Variants in TBC1D9 observed in about 807,000 individuals in gnomAD.
TBC1D9 encodes the protein TBC1 domain family member 9A.
TBC1D9 carries 63 observed loss-of-function variants against 132.0 expected under a neutral mutation model. The ratio of observed to expected loss-of-function variants is 0.48; its 90% CI spans 0.39 to 0.59. TBC1D9 has a LOEUF of 0.59. TBC1D9 is among the 20% of genes least tolerant of loss of function. The pLI is 0.00. For synonymous variants in TBC1D9, 610 were observed against 609.9 expected (o/e 1.00, Z 0.00); for missense variants, 1,261 against 1,592.7 (o/e 0.79, Z 3.54).
intron 11 of TBC1D9, among the ~76,000 whole-genome samples, chr4:140,658,220 G>A (rs4956472): frequency 0.58 from 87,663 of 151,982 alleles, 25,474 homozygotes; most frequent in East Asian, 0.65. Context: ...ATGTAAATCT[G>A]TCATGTGAAC....
At chr4:140,658,688 T>C (rs900284866) in intron 11 of TBC1D9, among the ~76,000 whole-genome samples, 2 of 151,906 alleles carry the variant, frequency 1.3e-5, no homozygotes. Flanking sequence ...TGGGAGTCTG[T>C]ATAGTCCCAG....
At chr4:140,660,323 T>C (rs1247187074) in intron 10 of TBC1D9, among the ~76,000 whole-genome samples, 1 of 152,222 alleles carries the variant, frequency 6.6e-6, no homozygotes, top group Non-Finnish European at 1.5e-5. Flanking sequence ...ACTACTTTAA[T>C]AGTCTTCTTA....
chr4:140,657,433 G>T, intron 12 of TBC1D9, 94 bp downstream of exon 12: 1 of 1,407,178 alleles, frequency 7.1e-7, no homozygotes, highest in Non-Finnish European at 9.7e-7. Context: ...CGGGCATTAT[G>T]ATCACCATCA....
At position 140,641,090 on chromosome 4, in the gene TBC1D9, C is replaced by CAAAAAAAAA. The variant is rs35813378; in HGVS notation, c.2338-1671_2338-1663dup. ...TAAATCTTACAATCATAATACTAAG[C>CAAAAAAAAA]AAAAAAAAAAAAAACAAAAAAAAAC... On this transcript the variant is annotated intron_variant, in intron 13 of 20. Transcript: ENST00000442267. 5.2e-3 allele frequency among the ~76,000 whole-genome samples: 182 copies of CAAAAAAAAA among 34,830 alleles called. 2 individuals carry two copies. Among genetic ancestry groups the CAAAAAAAAA allele is most frequent in the African/African-American group, 7.6e-3 (58 of 7,596 alleles). 22.8% of individuals were successfully genotyped at this position (34,830 alleles called of 152,430 possible).
chr4:140,632,734 G>A (rs943507051), intron 16 of TBC1D9, among the ~76,000 whole-genome samples: 1 of 152,272 alleles, frequency 6.6e-6, no homozygotes, highest in African/African-American at 2.4e-5. Context: ...TCTTGAGTAC[G>A]TGGAATCAAA....
intron 1 of TBC1D9, among the ~76,000 whole-genome samples, chr4:140,735,181 C>A (rs1489910439): frequency 6.6e-6 from 1 of 152,118 alleles, no homozygotes; most frequent in Admixed American, 6.6e-5. Flanking sequence ...TCCTAAGGCC[C>A]TTTGAAAGAT....
chr4:140,687,343 CATATATATATATATATATATATATATAT>C lies in TBC1D9; in HGVS notation c.242-909_242-882del, dbSNP rs200090051. Among the ~76,000 whole-genome samples, 84 of 37,908 alleles carry C rather than the reference CATATATATATATATATATATATATATAT, an allele frequency of 2.2e-3. 2 individuals are homozygous for C. Among genetic ancestry groups the C allele is most frequent in the Middle Eastern group, 0.026 (2 of 76 alleles). The allele number at this position is 37,908 out of a possible 152,430, so 24.9% of individuals were successfully genotyped here. ...TATATGTGTGTGTGTGTGTGTGTGTCATATATATATATATATATATATATATATATATATATATATATATATATATATA... is the reference window on the plus strand; with the variant it reads ...TATATGTGTGTGTGTGTGTGTGTGTCATATATATATATATATATATATATA... On this transcript the variant is annotated intron_variant, in intron 2 of 20. Transcript: ENST00000442267.
Position 140,679,132 on chromosome 4 carries a change from T to A in TBC1D9, c.661A>T (p.Ile221Phe). The change falls in exon 5 of 21, where the codon ATC (isoleucine) becomes TTC (phenylalanine). Residue 221 changes from isoleucine to phenylalanine, a missense_variant. Transcript: ENST00000442267. Reference protein sequence around the residue: ...KNATLLLPDVIKVSTRSSEHF... With the variant: ...KNATLLLPDVFKVSTRSSEHF... ...TCACTGGACCGTGTGCTCACTTTGA[T>A]CACATCAGGCAGAAGCAGGGTGGCA... 1 of 1,613,842 alleles carries A rather than the reference T, an allele frequency of 6.2e-7. No homozygotes were observed. Among genetic ancestry groups the A allele is most frequent in the Non-Finnish European group, 8.5e-7 (1 of 1,179,808 alleles).
chr4:140,741,576 G>A (rs1738758980), intron 1 of TBC1D9, among the ~76,000 whole-genome samples: 2 of 152,174 alleles, frequency 1.3e-5, no homozygotes, highest in Non-Finnish European at 2.9e-5. Context: ...AAATTAGCTA[G>A]GTGTAGTGGC....
intron 1 of TBC1D9, among the ~76,000 whole-genome samples, chr4:140,733,404 A>G (rs1366269102): frequency 6.6e-6 from 1 of 152,212 alleles, no homozygotes; most frequent in East Asian, 1.9e-4. Context: ...GTCTTTCAAG[A>G]GAAATCTGGG....
At chr4:140,699,938 A>G (rs1024562163) in intron 2 of TBC1D9, among the ~76,000 whole-genome samples, 3 of 152,154 alleles carry the variant, frequency 2.0e-5, no homozygotes, top group Non-Finnish European at 4.4e-5. Flanking sequence ...AAAGTTAAAA[A>G]AAGTGTTCAT....
At chr4:140,704,435 G>GA (rs11317574) in intron 1 of TBC1D9, among the ~76,000 whole-genome samples, 11,204 of 113,216 alleles carry the variant, frequency 0.099, 493 homozygotes, top group Middle Eastern at 0.21. Context: ...CAAAAAATCA[G>GA]AAAAAAAAAA....
rs1000527643 is a variant in TBC1D9, at chr4:140,706,514, C to T, written c.131-4900G>A. 1.3e-5 allele frequency among the ~76,000 whole-genome samples: 2 copies of T among 151,956 alleles called. No homozygotes were observed. Among genetic ancestry groups the T allele is most frequent in the Non-Finnish European group, 2.9e-5 (2 of 67,990 alleles). On this transcript the variant is annotated intron_variant, in intron 1 of 20. Coordinates refer to ENST00000442267, the MANE Select transcript of TBC1D9 (RefSeq NM_015130.3). This position sits in a 1 kb window ranked among gnomAD's most constrained non-coding sequence, Gnocchi z 4.0. ...AAATTACAAAATACATGTACCACTA[C>T]TCTGACTTTTTTAACACTTTGCCTT...
At chr4:140,646,012 T>C (rs951715670) in intron 13 of TBC1D9, among the ~76,000 whole-genome samples, 14 of 152,250 alleles carry the variant, frequency 9.2e-5, no homozygotes, top group Non-Finnish European at 1.5e-4. Flanking sequence ...TTGTTTTTGT[T>C]TGTTGGTTTG....
chr4:140,660,545 G>A (rs1308283448), intron 10 of TBC1D9, among the ~76,000 whole-genome samples: 1 of 152,158 alleles, frequency 6.6e-6, no homozygotes, highest in Non-Finnish European at 1.5e-5. Flanking sequence ...AATTCCACTT[G>A]AGAATTAACC....
intron 2 of TBC1D9, among the ~76,000 whole-genome samples, chr4:140,696,537 C>T (rs1373200073): frequency 6.6e-6 from 1 of 151,656 alleles, no homozygotes; most frequent in Non-Finnish European, 1.5e-5. Flanking sequence ...GGTACCTCCA[C>T]CCCGCTTTCT....
At position 140,712,691 on chromosome 4, in the gene TBC1D9, C is replaced by T. The variant is rs181987637; in HGVS notation, c.131-11077G>A. ...CGGGAGGCGGAGGTTGCAGTGAAGC[C>T]GAGATCACGCCATTGTACTCCAGCC... On this transcript the variant is annotated intron_variant, in intron 1 of 20. Transcript: ENST00000442267. Among the ~76,000 whole-genome samples the T allele has an allele frequency of 3.6e-4, 55 of 151,210 alleles. 1 individual carries two copies. Among genetic ancestry groups the T allele is most frequent in the African/African-American group, 1.3e-3 (52 of 41,072 alleles).
chr4:140,679,956 G>T, intron 3 of TBC1D9, 113 bp from the exon 4 acceptor site: 3 of 816,524 alleles, frequency 3.7e-6, no homozygotes, highest in Non-Finnish European at 3.7e-6. Context: ...ATTGAGGAAT[G>T]CCCTTCAATG....
chr4:140,718,927 CA>C (rs201752206), intron 1 of TBC1D9, among the ~76,000 whole-genome samples: 5 of 151,056 alleles, frequency 3.3e-5, no homozygotes, highest in Non-Finnish European at 5.9e-5. Flanking sequence ...TGTAAAAACA[CA>C]AAAAAAATTT....
Sources: allele counts gnomAD v4.1 joint callset (sites outside exome capture counted in the v4.1 genomes callset), GRCh38; gene constraint gnomAD v4.1.1; non-coding constraint Gnocchi (gnomAD v3.1); transcripts MANE v1.5; gene names NCBI Gene and HGNC (gene_info 2026-07-23, HGNC 2026-07-21).